The following IL1RAPL1 variants were observed in gnomAD, a reference collection of about 807,000 sequenced individuals.
The protein encoded by IL1RAPL1 is interleukin-1 receptor accessory protein-like 1.
A neutral mutation model predicts 48.4 loss-of-function variants in IL1RAPL1; 3 were observed. The ratio of observed to expected loss-of-function variants is 0.06; its 90% CI spans 0.03 to 0.16. The LOEUF (loss-of-function observed/expected upper bound fraction) is 0.16. Ranked by LOEUF, IL1RAPL1 falls within the 10% of genes least tolerant of loss-of-function variation. The probability of loss-of-function intolerance (pLI) is 1.00; values close to 1 mark genes in which losing one functional copy is unlikely to be tolerated. For synonymous variants in IL1RAPL1, 185 were observed against 187.7 expected, an observed-to-expected ratio of 0.99 and a Z score of 0.12; for missense variants, 349 against 530.6, an observed-to-expected ratio of 0.66 and a Z score of 3.36.
intron 2 of IL1RAPL1, among the ~76,000 whole-genome samples, chrX:28,946,344 G>A (rs1924303705): frequency 1.8e-5 from 2 of 109,979 alleles, no homozygotes; most frequent in Non-Finnish European, 3.8e-5. Context: ...AGCAATAGGG[G>A]TAGTATTTTA....
At chrX:28,695,833 C>G (rs1935224347) in intron 1 of IL1RAPL1, among the ~76,000 whole-genome samples, 1 of 111,885 alleles carries the variant, frequency 8.9e-6, no homozygotes, top group African/African-American at 3.2e-5. Flanking sequence ...GAGTAAGAAA[C>G]AACTTATGGG....
intron 6 of IL1RAPL1, among the ~76,000 whole-genome samples, chrX:29,785,246 G>T (rs1929466129): frequency 8.9e-6 from 1 of 112,043 alleles, no homozygotes; most frequent in South Asian, 3.7e-4. Flanking sequence ...CACATGAAAA[G>T]ATGCTCAGCA....
At chrX:29,630,321 G>A (rs960350050) in intron 5 of IL1RAPL1, among the ~76,000 whole-genome samples, 2 of 111,402 alleles carry the variant, frequency 1.8e-5, no homozygotes, top group Non-Finnish European at 3.8e-5. Flanking sequence ...AATTTTGGGG[G>A]GACATAAACA....
intron 1 of IL1RAPL1, among the ~76,000 whole-genome samples, chrX:28,620,041 T>C (rs773579624): frequency 2.0e-4 from 22 of 110,660 alleles, no homozygotes; most frequent in Non-Finnish European, 3.6e-4. Flanking sequence ...TTCACAATGA[T>C]AAGTATAACC....
rs748962441 is a variant in IL1RAPL1 at position 29,598,445 on chromosome X, T to C, written c.704-69985T>C. On this transcript the variant is annotated intron_variant, in intron 5 of 10. Transcript: ENST00000378993. ...TACTGAGACTTGTTTTGTGGCCTAT[T>C]ATGTGGTCTATCTTGGAGAATGTTC... Among the ~76,000 whole-genome samples the C allele has an allele frequency of 5.4e-5, 6 of 112,037 alleles. No homozygotes were observed. In the East Asian group the frequency reaches 1.7e-3, roughly 31 times the overall value.
At chrX:29,342,113 TG>T (rs1237500592) in intron 3 of IL1RAPL1, among the ~76,000 whole-genome samples, 36 of 11,668 alleles carry the variant, frequency 3.1e-3, no homozygotes, top group African/African-American at 5.6e-3. Flanking sequence ...GGCCTTGTTT[TG>T]TGTGTGTGTG....
At chrX:29,858,089 A>C (rs1350000822) in intron 6 of IL1RAPL1, among the ~76,000 whole-genome samples, 1 of 111,665 alleles carries the variant, frequency 9.0e-6, no homozygotes, top group Non-Finnish European at 1.9e-5. Flanking sequence ...AAAGTGGCAT[A>C]GTTGAGGGTA....
chrX:28,604,104 A>G (rs1168789817), intron 1 of IL1RAPL1, among the ~76,000 whole-genome samples: 3 of 112,712 alleles, frequency 2.7e-5, no homozygotes, highest in African/African-American at 9.7e-5. Flanking sequence ...TTTATAAATT[A>G]CAAGGTGATA....
At chrX:28,838,367 C>G (rs113757518) in intron 2 of IL1RAPL1, among the ~76,000 whole-genome samples, 1,797 of 111,069 alleles carry the variant, frequency 0.016, 38 homozygotes, top group African/African-American at 0.056. Context: ...TAAGCTTTGG[C>G]TTATATTATT....
intron 2 of IL1RAPL1, among the ~76,000 whole-genome samples, chrX:28,865,400 C>T (rs1032958499): frequency 9.5e-6 from 1 of 105,577 alleles, no homozygotes; most frequent in Non-Finnish European, 1.9e-5. Context: ...GATCATGCCA[C>T]GGTACTCCAG....
intron 2 of IL1RAPL1, among the ~76,000 whole-genome samples, chrX:29,035,726 A>T (rs2147413030): frequency 8.9e-6 from 1 of 112,064 alleles, no homozygotes; most frequent in Admixed American, 9.5e-5. Flanking sequence ...TGGAGTGAAA[A>T]AAATGCTTTA....
At chrX:28,872,431 C>T (rs753045076) in intron 2 of IL1RAPL1, among the ~76,000 whole-genome samples, 147 of 112,026 alleles carry the variant, frequency 1.3e-3, no homozygotes, top group African/African-American at 4.5e-3. Flanking sequence ...GATTATATGA[C>T]ATCACTTATT....
chrX:29,722,738 T>G (rs957396200), intron 6 of IL1RAPL1, among the ~76,000 whole-genome samples: 3 of 112,003 alleles, frequency 2.7e-5, no homozygotes, highest in African/African-American at 9.7e-5. Context: ...TCCTTGCACA[T>G]TTAATTCCTC....
At chrX:29,142,762 ACT>A (rs1305957378) in intron 2 of IL1RAPL1, among the ~76,000 whole-genome samples, 1 of 109,273 alleles carries the variant, frequency 9.2e-6, no homozygotes, top group African/African-American at 3.4e-5. Flanking sequence ...GTGCAGTGGC[ACT>A]ATCTTGGCTC....
Position 29,437,448 on chromosome X carries a change from A to G in IL1RAPL1, c.703+38140A>G, listed in dbSNP as rs190262039. On this transcript the variant is annotated intron_variant, in intron 5 of 10. Transcript: ENST00000378993. Reference sequence around the variant, plus strand: ...ACTAGATCTTTCAGTACTATGTTGAATAAGAGTAGTGAGAACAGACATTTT... The same window carrying G: ...ACTAGATCTTTCAGTACTATGTTGAGTAAGAGTAGTGAGAACAGACATTTT... 4.5e-5 allele frequency among the ~76,000 whole-genome samples: 5 copies of G among 110,831 alleles called. No individual in the cohort carries two copies. The East Asian group carries it at 1.4e-3, about 31-fold the overall frequency.
intron 3 of IL1RAPL1, among the ~76,000 whole-genome samples, chrX:29,349,240 A>G (rs1010599223): frequency 2.2e-4 from 25 of 112,446 alleles, no homozygotes; most frequent in African/African-American, 7.1e-4. Context: ...CTCTCTGTTC[A>G]TGTATTTCTT....
intron 2 of IL1RAPL1, among the ~76,000 whole-genome samples, chrX:29,106,204 C>T (rs912357155): frequency 9.0e-6 from 1 of 111,526 alleles, no homozygotes; most frequent in East Asian, 2.8e-4. Context: ...AGGGCATGTT[C>T]TCAAGGGGGT....
At chrX:29,757,662 T>C (rs1452365389) in intron 6 of IL1RAPL1, among the ~76,000 whole-genome samples, 1 of 112,211 alleles carries the variant, frequency 8.9e-6, no homozygotes, top group Non-Finnish European at 1.9e-5. Context: ...TAAAATATTA[T>C]AGCAATAAAA....
intron 6 of IL1RAPL1, among the ~76,000 whole-genome samples, chrX:29,909,370 G>T (rs1037813099): frequency 1.8e-5 from 2 of 110,898 alleles, no homozygotes; most frequent in African/African-American, 6.6e-5. Flanking sequence ...GGTTGAAGCT[G>T]CAGTGAACCG....
Sources: gnomAD v4.1 joint callset for allele counts (sites outside exome capture counted in the v4.1 genomes callset) on GRCh38, gnomAD v4.1.1 for gene constraint, MANE v1.5 for transcripts, NCBI Gene and HGNC (gene_info 2026-07-23, HGNC 2026-07-21) for gene names.